Variants in SIK2 observed in about 807,000 individuals in gnomAD.
SIK2 encodes serine/threonine-protein kinase SIK2.
SIK2 carries 29 observed loss-of-function variants against 103.2 expected under a neutral mutation model. The ratio of observed to expected loss-of-function variants is 0.28; its 90% CI spans 0.21 to 0.38. The LOEUF (loss-of-function observed/expected upper bound fraction) is 0.38, where lower values mean the gene tolerates loss of function less well. SIK2 is among the 10% of genes least tolerant of loss of function. SIK2 has a pLI of 1.00. For missense variants in SIK2, 879 were observed against 1,171.0 expected (o/e 0.75, Z 3.64); for synonymous variants, 412 against 446.1 (o/e 0.92, Z 0.96).
intron 3 of SIK2, among the ~76,000 whole-genome samples, chr11:111,654,863 C>G (rs1286970271): frequency 6.6e-6 from 1 of 152,136 alleles, no homozygotes; most frequent in Non-Finnish European, 1.5e-5. Flanking sequence ...GAGAATGTGA[C>G]TATGTTTTAA....
intron 3 of SIK2, among the ~76,000 whole-genome samples, chr11:111,628,837 A>G (rs1418440511): frequency 1.3e-5 from 2 of 152,084 alleles, no homozygotes; most frequent in Non-Finnish European, 1.5e-5. Context: ...AATCTTTTGA[A>G]TCTCTTGGAT....
chr11:111,727,119 G>T lies in SIK2; in HGVS notation c.*2990G>T. 7.0e-7 allele frequency: 1 copy of T among 1,435,904 alleles called. No homozygotes were observed. Among genetic ancestry groups the T allele is most frequent in the African/African-American group, 1.4e-5 (1 of 71,392 alleles). 88.9% of individuals were successfully genotyped at this position (1,435,904 alleles called of 1,614,324 possible). A position where few individuals can be genotyped will look rare whatever the true frequency, so the allele number is the denominator to read the frequency against. On this transcript the variant is annotated 3_prime_UTR_variant, in exon 15 of 15. Transcript: ENST00000304987. ...GGGGGCCCACTTTCACATTCCCGGT[G>T]ACACTGACCGTCCCCAGCTGCCCCC...
rs755607708 is a variant in SIK2 at position 111,688,083 on chromosome 11, T to C, written c.399T>C (p.Cys133=). Residue 133 remains cysteine, a synonymous_variant, in exon 4 of 15, where the codon TGT becomes TGC. Transcript: ENST00000304987. This position sits in a 1 kb window ranked among gnomAD's most constrained non-coding sequence, Gnocchi z 4.2. ...AAATCCTGTCTGCTGTTGATTATTG[T>C]CATGGTCGGAAGATTGTGCACCGTG... ...FWQILSAVDY[C]HGRKIVHRDL... is the part of the protein sequence containing the mutation. 3.1e-6 allele frequency: 5 copies of C among 1,614,066 alleles called. No homozygotes were observed. The highest frequency in any genetic ancestry group is 4.2e-6 in the Non-Finnish European group (5 of 1,180,044).
At position 111,726,301 on chromosome 11, in the gene SIK2, A is replaced by G. The variant is rs1943964134; in HGVS notation, c.*2172A>G. 6.6e-6 allele frequency: 1 copy of G among 152,274 alleles called. No individual in the cohort carries two copies. Among genetic ancestry groups the G allele is most frequent in the Non-Finnish European group, 1.5e-5 (1 of 68,080 alleles). The allele number at this position is 152,274 out of a possible 1,614,324, so 9.4% of individuals were successfully genotyped here. On this transcript the variant is annotated 3_prime_UTR_variant, in exon 15 of 15. Coordinates refer to ENST00000304987, the MANE Select transcript of SIK2 (RefSeq NM_015191.3). ...CCCCCAACAATGCCATGAGCTGCTT[A>G]GCCCAGGAGACCTGGGAGCTATGGC...
chr11:111,723,901 G>T lies in SIK2; in HGVS notation c.2553G>T (p.Leu851=), dbSNP rs1491000186. 37 of 1,613,260 alleles carry T rather than the reference G, an allele frequency of 2.3e-5. No individual in the cohort carries two copies. Among genetic ancestry groups the T allele is most frequent in the Non-Finnish European group, 3.1e-5 (36 of 1,179,778 alleles). Reference sequence around the variant, plus strand: ...AGTTCTCCTATCAGACTTGTGAGCTGCCAAGCGCTGCTTCCCCTGCGCCAG... The same window carrying T: ...AGTTCTCCTATCAGACTTGTGAGCTTCCAAGCGCTGCTTCCCCTGCGCCAG... ...PLQFSYQTCE[L]PSAASPAPDY... The change falls in exon 15 of 15, where the codon CTG becomes CTT. Residue 851 remains leucine, a synonymous_variant. Coordinates refer to ENST00000304987, the MANE Select transcript of SIK2 (RefSeq NM_015191.3).
At chr11:111,671,831 T>A in intron 3 of SIK2, 1 of 413,042 alleles carries the variant, frequency 2.4e-6, no homozygotes, top group Admixed American at 3.0e-5. Context: ...CTCTGTATGC[T>A]TGTTGATCTC....
chr11:111,656,566 C>G (rs1942394373), intron 3 of SIK2, among the ~76,000 whole-genome samples: 1 of 152,114 alleles, frequency 6.6e-6, no homozygotes. Flanking sequence ...TTTAGAGAAA[C>G]TCATTAAGGT....
rs1430091787 is a variant in SIK2, at chr11:111,620,482, C to T, written c.316+80C>T. The T allele has an allele frequency of 6.6e-6, 6 of 913,256 alleles. No homozygotes were observed. In the Admixed American group the frequency reaches 1.2e-4, roughly 18 times the overall value. The allele number at this position is 913,256 out of a possible 1,614,324, so 56.6% of individuals were successfully genotyped here. A position where few individuals can be genotyped will look rare whatever the true frequency, so the allele number is the denominator to read the frequency against. ...GAATGGGGTATTTTCTGTTAATTTT[C>T]TGCTTATTTAAGTGTTGGTAATATA... On this transcript the variant is annotated intron_variant, in intron 3 of 14. Transcript: ENST00000304987.
At chr11:111,719,706 GT>G in intron 9 of SIK2, 68 bp from the exon 10 acceptor site, 2 of 1,486,368 alleles carry the variant, frequency 1.3e-6, no homozygotes, top group South Asian at 1.2e-5. Context: ...GTCTTGACAT[GT>G]TTTCCTTTGT....
intron 3 of SIK2, among the ~76,000 whole-genome samples, chr11:111,664,691 A>ACC (rs534513803): frequency 2.0e-5 from 2 of 101,290 alleles, no homozygotes; most frequent in South Asian, 3.9e-4. Context: ...CCCCATCACC[A>ACC]CCCCCCCCAC....
chr11:111,619,468 C>G (rs914077833), intron 2 of SIK2, among the ~76,000 whole-genome samples: 1 of 152,112 alleles, frequency 6.6e-6, no homozygotes, highest in Non-Finnish European at 1.5e-5. Context: ...CTCAGCCTCC[C>G]AAGTAGCTGG....
At chr11:111,620,847 A>G (rs1234999976) in intron 3 of SIK2, among the ~76,000 whole-genome samples, 2 of 152,236 alleles carry the variant, frequency 1.3e-5, no homozygotes, top group South Asian at 2.1e-4. Context: ...AGTATTCACT[A>G]TAGGGGTAAG....
rs1004558248 is a variant in SIK2 at position 111,727,942 on chromosome 11, T to G, written c.*3813T>G. Reference sequence around the variant, plus strand: ...GTTCGTAAATATGTTTGTATTACATTTTAAAACCTGTATCAACAGTCACAT... The same window carrying G: ...GTTCGTAAATATGTTTGTATTACATGTTAAAACCTGTATCAACAGTCACAT... On this transcript the variant is annotated 3_prime_UTR_variant, in exon 15 of 15. Transcript: ENST00000304987. 3 of 152,242 alleles carry G rather than the reference T, an allele frequency of 2.0e-5. No individual in the cohort carries two copies. Among genetic ancestry groups the G allele is most frequent in the African/African-American group, 7.2e-5 (3 of 41,454 alleles). 9.4% of individuals were successfully genotyped at this position (152,242 alleles called of 1,614,324 possible).
At chr11:111,610,819 A>T (rs1443972676) in intron 1 of SIK2, among the ~76,000 whole-genome samples, 1 of 152,230 alleles carries the variant, frequency 6.6e-6, no homozygotes, top group South Asian at 2.1e-4. Context: ...TTTTCTTATT[A>T]GAAAAATAAT....
rs775276505 is a variant in SIK2, at chr11:111,705,146, C to T, written c.1101+7C>T. 2 of 1,554,480 alleles carry T rather than the reference C, an allele frequency of 1.3e-6. No individual in the cohort carries two copies. Among genetic ancestry groups the T allele is most frequent in the South Asian group, 1.3e-5 (1 of 78,510 alleles). On this transcript the variant is annotated splice_region_variant and intron_variant, in intron 8 of 14. Coordinates refer to ENST00000304987, the MANE Select transcript of SIK2 (RefSeq NM_015191.3). This position sits in a 1 kb window ranked among gnomAD's most constrained non-coding sequence, Gnocchi z 4.3. The stretch of plus-strand genomic sequence containing the variant: ...TGAGCAAACAGTTGCCAAGGTAATG[C>T]CCCCTTAGCTGAGAGTCTTATCTGT...
chr11:111,637,313 T>G (rs1233071927), intron 3 of SIK2, among the ~76,000 whole-genome samples: 1 of 151,964 alleles, frequency 6.6e-6, no homozygotes, highest in Non-Finnish European at 1.5e-5. Flanking sequence ...TTTTACTTTT[T>G]TTATTTTTAT....
At chr11:111,605,043 ACCTCTG>A (rs1941631797) in intron 1 of SIK2, among the ~76,000 whole-genome samples, 1 of 151,152 alleles carries the variant, frequency 6.6e-6, no homozygotes, top group East Asian at 2.0e-4. Context: ...GCTCACTGCA[ACCTCTG>A]CCTCCTGGGT....
chr11:111,678,059 C>T (rs893329336), intron 3 of SIK2, among the ~76,000 whole-genome samples: 14 of 152,214 alleles, frequency 9.2e-5, no homozygotes, highest in Non-Finnish European at 1.8e-4. Context: ...TCAGTTTCAT[C>T]GTACGCCTTC....
Position 111,628,937 on chromosome 11 carries a change from A to AG in SIK2, c.316+8539dup, listed in dbSNP as rs1335350863. 2.0e-5 allele frequency among the ~76,000 whole-genome samples: 3 copies of AG among 152,146 alleles called. No individual in the cohort carries two copies. In the East Asian group the frequency reaches 5.8e-4, roughly 29 times the overall value. On this transcript the variant is annotated intron_variant, in intron 3 of 14. Transcript: ENST00000304987. ...AACCTTAAGTATTAGGAGTAGGAGA[A>AG]GGGGTTAGGATCTTTATTAGAATGG...
Sources: gnomAD v4.1 joint callset for allele counts (sites outside exome capture counted in the v4.1 genomes callset) on GRCh38, gnomAD v4.1.1 for gene constraint, Gnocchi (gnomAD v3.1) non-coding constraint, MANE v1.5 for transcripts, NCBI Gene and HGNC (gene_info 2026-07-23, HGNC 2026-07-21) for gene names.